PGS1: variants seen among roughly 807,000 people sequenced by gnomAD.
PGS1 encodes the protein CDP-diacylglycerol--glycerol-3-phosphate 3-phosphatidyltransferase, mitochondrial.
A neutral mutation model predicts 58.3 loss-of-function variants in PGS1; 44 were observed. The observed-to-expected ratio is 0.75, with a 90% CI of 0.59 to 0.97. The LOEUF (loss-of-function observed/expected upper bound fraction) is 0.97. PGS1 is among the 50% of genes least tolerant of loss of function. The pLI, the probability that PGS1 is intolerant of heterozygous loss-of-function variation, is 0.00. For missense variants in PGS1, 684 were observed against 731.1 expected, an observed-to-expected ratio of 0.94 and a Z score of 0.74; for synonymous variants, 330 against 311.0, an observed-to-expected ratio of 1.06 and a Z score of -0.64.
intron 7 of PGS1, among the ~76,000 whole-genome samples, chr17:78,405,581 TG>T (rs1277636220): frequency 6.6e-6 from 1 of 152,158 alleles, no homozygotes; most frequent in African/African-American, 2.4e-5. Context: ...CTCTAAGACA[TG>T]GGTATAACAT....
chr17:78,412,726 G>A lies in PGS1; in HGVS notation c.1403-2153G>A, dbSNP rs74787501. ...CCTGACCCTCGTCACCCATGTGGGCGTGTGGCCTTCCTACTCATCACTGTC... is the reference window on the plus strand; with the variant it reads ...CCTGACCCTCGTCACCCATGTGGGCATGTGGCCTTCCTACTCATCACTGTC... On this transcript the variant is annotated intron_variant, in intron 7 of 9. Coordinates refer to ENST00000262764, the MANE Select transcript of PGS1 (RefSeq NM_024419.5). 3.0e-4 allele frequency among the ~76,000 whole-genome samples: 46 copies of A among 152,296 alleles called. 1 individual carries two copies. In the East Asian group the frequency reaches 4.2e-3, roughly 14 times the overall value.
At chr17:78,411,137 A>T (rs1026655544) in intron 7 of PGS1, among the ~76,000 whole-genome samples, 2 of 152,120 alleles carry the variant, frequency 1.3e-5, no homozygotes, top group Non-Finnish European at 2.9e-5. Flanking sequence ...CATCCATGCC[A>T]CCGTCTGGGG....
intron 1 of PGS1, among the ~76,000 whole-genome samples, chr17:78,385,214 G>C (rs1189788964): frequency 6.6e-6 from 1 of 152,176 alleles, no homozygotes; most frequent in African/African-American, 2.4e-5. Context: ...TGCCTCCTGG[G>C]TTCAAGCCAT....
Position 78,420,220 on chromosome 17 carries a change from G to A in PGS1, c.*10+545G>A, listed in dbSNP as rs57538718. ...CCCTGTGCTGCGGTTACAGAGCTGC[G>A]CCCTTCTAGACTCTGGAAGTTGAGT... is the stretch of plus-strand genomic sequence containing the variant. On this transcript the variant is annotated intron_variant, in intron 9 of 9. Coordinates refer to ENST00000262764, the MANE Select transcript of PGS1 (RefSeq NM_024419.5). The A allele has an allele frequency of 4.1e-3, 4,040 of 996,290 alleles. 110 individuals carry two copies. In the African/African-American group the frequency reaches 0.061, roughly 15 times the overall value. The allele number at this position is 996,290 out of a possible 1,614,324, so 61.7% of individuals were successfully genotyped here.
Position 78,393,418 on chromosome 17 carries a change from C to T in PGS1, c.333+753C>T, listed in dbSNP as rs73998880. On this transcript the variant is annotated intron_variant, in intron 2 of 9. Transcript: ENST00000262764. ...TTTCCTCCATGGTGAAGTTGTGGAC[C>T]ACGGGAAGGGAGGTTGGTGAGGACT... 3.7e-3 allele frequency among the ~76,000 whole-genome samples: 569 copies of T among 152,272 alleles called. 1 individual carries two copies. The highest frequency in any genetic ancestry group is 0.013 in the African/African-American group (545 of 41,540).
intron 8 of PGS1, among the ~76,000 whole-genome samples, chr17:78,416,803 C>T (rs1568003515): frequency 6.6e-6 from 1 of 152,158 alleles, no homozygotes; most frequent in Non-Finnish European, 1.5e-5. Context: ...TGCTTATATA[C>T]TGGGACGGCA....
At chr17:78,401,495 A>T (rs1292700465) in intron 6 of PGS1, among the ~76,000 whole-genome samples, 1 of 152,206 alleles carries the variant, frequency 6.6e-6, no homozygotes, top group African/African-American at 2.4e-5. Context: ...CATTCCTGTG[A>T]TTCCTGCGGC....
At chr17:78,399,054 TG>T (rs1194257579) in intron 4 of PGS1, among the ~76,000 whole-genome samples, 1 of 152,094 alleles carries the variant, frequency 6.6e-6, no homozygotes, top group Non-Finnish European at 1.5e-5. Context: ...TGCGAGTGGG[TG>T]GGGTAGTGCC....
At chr17:78,409,364 T>A (rs2084429620) in intron 7 of PGS1, among the ~76,000 whole-genome samples, 1 of 152,254 alleles carries the variant, frequency 6.6e-6, no homozygotes, top group Admixed American at 6.5e-5. Flanking sequence ...ATTAAGAGAT[T>A]TCTGGCTCAT....
At chr17:78,387,338 T>C (rs1309670098) in intron 1 of PGS1, among the ~76,000 whole-genome samples, 1 of 150,282 alleles carries the variant, frequency 6.7e-6, no homozygotes, top group African/African-American at 2.5e-5. Flanking sequence ...TTCCTCTTGT[T>C]GCCCAGGCTG....
At chr17:78,392,899 A>G (rs1481098570) in intron 2 of PGS1, among the ~76,000 whole-genome samples, 1 of 152,154 alleles carries the variant, frequency 6.6e-6, no homozygotes, top group Non-Finnish European at 1.5e-5. Context: ...CAGTGAGAAC[A>G]AGGACCTAGA....
intron 7 of PGS1, among the ~76,000 whole-genome samples, chr17:78,404,673 G>T (rs1003266643): frequency 1.2e-4 from 19 of 152,168 alleles, no homozygotes; most frequent in African/African-American, 4.6e-4. Context: ...ACATGCCTTA[G>T]CTGTGAGATG....
At chr17:78,386,937 G>A (rs2082424625) in intron 1 of PGS1, among the ~76,000 whole-genome samples, 1 of 151,834 alleles carries the variant, frequency 6.6e-6, no homozygotes, top group Admixed American at 6.6e-5. Flanking sequence ...ATGTGTTGCA[G>A]TTAGATGGTG....
intron 4 of PGS1, 39 bp from the exon 5 acceptor site, chr17:78,399,309 T>C: frequency 6.4e-7 from 1 of 1,554,996 alleles, no homozygotes; most frequent in Non-Finnish European, 8.9e-7. Flanking sequence ...GACGCCTTCC[T>C]GTTGTGAGTC....
intron 7 of PGS1, among the ~76,000 whole-genome samples, chr17:78,410,440 A>G (rs944936134): frequency 6.6e-6 from 1 of 151,362 alleles, no homozygotes; most frequent in Admixed American, 6.6e-5. Context: ...AAATAAAATA[A>G]AACAAAACCA....
At position 78,424,118 on chromosome 17, in the gene PGS1, C is replaced by T; in HGVS notation, c.*68C>T. 3 of 1,613,516 alleles carry T rather than the reference C, an allele frequency of 1.9e-6. No individual in the cohort carries two copies. Among genetic ancestry groups the T allele is most frequent in the South Asian group, 2.2e-5 (2 of 91,086 alleles). ...GGGGTCAGCTCTTTCAGCCGCGCTT[C>T]AGCGATGACTCCAGTCTGGGTGTCC... is the stretch of plus-strand genomic sequence containing the variant. On this transcript the variant is annotated 3_prime_UTR_variant, in exon 10 of 10. Coordinates refer to ENST00000262764, the MANE Select transcript of PGS1 (RefSeq NM_024419.5).
intron 8 of PGS1, among the ~76,000 whole-genome samples, chr17:78,417,465 G>A (rs747681007): frequency 2.0e-5 from 3 of 152,284 alleles, no homozygotes; most frequent in Non-Finnish European, 4.4e-5. Context: ...AGCATGGGAC[G>A]GGGGCAGGGG....
At chr17:78,381,952 A>G (rs2082066036) in intron 1 of PGS1, among the ~76,000 whole-genome samples, 1 of 152,212 alleles carries the variant, frequency 6.6e-6, no homozygotes. Flanking sequence ...GGAAGCAAAG[A>G]TAAAGACACA....
intron 7 of PGS1, among the ~76,000 whole-genome samples, chr17:78,411,832 G>T (rs188901754): frequency 2.0e-5 from 3 of 151,732 alleles, no homozygotes; most frequent in Non-Finnish European, 4.4e-5. Flanking sequence ...CTGGTGGTGC[G>T]GGTCTGACCG....
Sources: gnomAD v4.1 joint callset for allele counts (sites outside exome capture counted in the v4.1 genomes callset) on GRCh38, gnomAD v4.1.1 for gene constraint, MANE v1.5 for transcripts, NCBI Gene and HGNC (gene_info 2026-07-23, HGNC 2026-07-21) for gene names.